The following HIPK2 variants were observed in gnomAD, a reference collection of about 807,000 sequenced individuals.
HIPK2 encodes homeodomain interacting protein kinase 2.
HIPK2 carries 27 observed loss-of-function variants against 113.7 expected under a neutral mutation model. That is an observed-to-expected ratio of 0.24 (90% CI 0.17 to 0.33). HIPK2 has a LOEUF of 0.33. Ranked by LOEUF, HIPK2 falls within the 10% of genes least tolerant of loss-of-function variation. The pLI, the probability that HIPK2 is intolerant of heterozygous loss-of-function variation, is 1.00. For missense variants in HIPK2, 1,257 were observed against 1,588.0 expected, an observed-to-expected ratio of 0.79 and a Z score of 3.54; for synonymous variants, 631 against 642.2, an observed-to-expected ratio of 0.98 and a Z score of 0.26.
chr7:139,706,480 T>C (rs766056154), intron 2 of HIPK2, among the ~76,000 whole-genome samples: 22 of 152,248 alleles, frequency 1.4e-4, no homozygotes, highest in Non-Finnish European at 2.2e-4. Flanking sequence ...CATTAATGCA[T>C]GCAGGCATTC....
intron 2 of HIPK2, among the ~76,000 whole-genome samples, chr7:139,690,318 G>A (rs1794364673): frequency 6.6e-6 from 1 of 152,108 alleles, no homozygotes; most frequent in African/African-American, 2.4e-5. Context: ...AGAAGAGTAG[G>A]GACATACAGC....
intron 2 of HIPK2, among the ~76,000 whole-genome samples, chr7:139,661,917 C>G (rs1801879294): frequency 6.6e-6 from 1 of 152,158 alleles, no homozygotes; most frequent in Non-Finnish European, 1.5e-5. Context: ...TCCCCCAAAG[C>G]CTTTCCCTCC....
chr7:139,670,426 A>T (rs112259134), intron 2 of HIPK2, among the ~76,000 whole-genome samples: 74 of 42,716 alleles, frequency 1.7e-3, no homozygotes, highest in African/African-American at 0.011. Context: ...TCTACAAAAA[A>T]TCAGTTAAAA....
intron 2 of HIPK2, among the ~76,000 whole-genome samples, chr7:139,690,723 C>T (rs1439636690): frequency 6.6e-6 from 1 of 152,126 alleles, no homozygotes; most frequent in Admixed American, 6.5e-5. Context: ...CCTGCCCCCG[C>T]CTTGCTTCCT....
chr7:139,602,625 G>GA (rs113890647), intron 10 of HIPK2, among the ~76,000 whole-genome samples: 2,114 of 145,900 alleles, frequency 0.014, 41 homozygotes, highest in African/African-American at 0.048. Flanking sequence ...AGGGGCGAGG[G>GA]AAAAAAAAAA....
rs78253372 is a variant in HIPK2, at chr7:139,659,077, C to T, written c.1104-27352G>A. Among the ~76,000 whole-genome samples, 580 of 152,300 alleles carry T rather than the reference C, an allele frequency of 3.8e-3. 2 individuals are homozygous for T. The highest frequency in any genetic ancestry group is 0.013 in the African/African-American group (547 of 41,548). On this transcript the variant is annotated intron_variant, in intron 2 of 14. Coordinates refer to ENST00000406875, the MANE Select transcript of HIPK2 (RefSeq NM_022740.5). ...TGAGGCCGACGGCATGTGGTATTGG[C>T]ATTGGCTGACCAAAAACAATAGGGC...
intron 2 of HIPK2, among the ~76,000 whole-genome samples, chr7:139,679,521 TAAAC>T (rs1485521148): frequency 4.6e-5 from 7 of 152,210 alleles, no homozygotes; most frequent in African/African-American, 1.4e-4. Context: ...ATCTTTAAAT[TAAAC>T]AACCTATCGA....
intron 14 of HIPK2, among the ~76,000 whole-genome samples, chr7:139,574,537 A>C (rs1798422983): frequency 6.6e-6 from 1 of 152,058 alleles, no homozygotes; most frequent in Non-Finnish European, 1.5e-5. Context: ...GAACACAAAC[A>C]CCCCATTTAT....
At chr7:139,632,449 C>T (rs964782737) in intron 2 of HIPK2, among the ~76,000 whole-genome samples, 1 of 152,184 alleles carries the variant, frequency 6.6e-6, no homozygotes, top group South Asian at 2.1e-4. Flanking sequence ...GGAAACATTG[C>T]TATTTTTTAT....
rs543931032 is a variant in HIPK2 at position 139,683,453 on chromosome 7, G to A, written c.1103+32479C>T. ...TGAGCCTCAGCTCCTCCCTACGGGG[G>A]CCTCCACAGGACTGCTCACAACACG... On this transcript the variant is annotated intron_variant, in intron 2 of 14. Coordinates refer to ENST00000406875, the MANE Select transcript of HIPK2 (RefSeq NM_022740.5). The surrounding 1 kb of genome is among the most constrained non-coding windows in gnomAD (Gnocchi z 4.2). Among the ~76,000 whole-genome samples, 1 of 152,306 alleles carries A rather than the reference G, an allele frequency of 6.6e-6. No homozygotes were observed. The highest frequency in any genetic ancestry group is 2.1e-4 in the South Asian group (1 of 4,830).
chr7:139,596,957 C>G lies in HIPK2; in HGVS notation c.2477G>C (p.Ser826Thr). Residue 826 changes from serine (S) to threonine (T), a missense_variant, in exon 12 of 15, where the codon AGC becomes ACC. Around this residue, in one of 5 missense-constraint regions of HIPK2, gnomAD observed 862 missense variants for 1,004.3 expected, o/e 0.86. Coordinates refer to ENST00000406875, the MANE Select transcript of HIPK2 (RefSeq NM_022740.5). Reference protein sequence around the residue: ...TCEVSSSQAISSPQRSKRVKE... With the variant: ...TCEVSSSQAITSPQRSKRVKE... ...GACACGCTTGGATCGCTGTGGGGAG[C>G]TGATGGCCTGAGAGGAGGACACCTC... is the stretch of plus-strand genomic sequence containing the variant. The G allele has an allele frequency of 6.2e-7, 1 of 1,606,690 alleles. No homozygotes were observed. The highest frequency in any genetic ancestry group is 8.5e-7 in the Non-Finnish European group (1 of 1,174,162).
intron 1 of HIPK2, among the ~76,000 whole-genome samples, chr7:139,749,920 C>T (rs1017047132): frequency 1.3e-5 from 2 of 152,196 alleles, no homozygotes; most frequent in East Asian, 1.9e-4. Flanking sequence ...CAGTCATTCC[C>T]TCATTTGATA....
At chr7:139,669,205 C>T (rs1256897254) in intron 2 of HIPK2, among the ~76,000 whole-genome samples, 2 of 152,160 alleles carry the variant, frequency 1.3e-5, no homozygotes, top group Non-Finnish European at 2.9e-5. Context: ...AGCCCGAGAC[C>T]ACTATCAATC....
intron 12 of HIPK2, 98 bp from the exon 13 acceptor site, chr7:139,584,162 G>C: frequency 6.7e-7 from 1 of 1,482,760 alleles, no homozygotes; most frequent in Non-Finnish European, 9.0e-7. Context: ...GGAGGCAGAG[G>C]GGAGAGGGCA....
rs965735839 is a variant in HIPK2, at chr7:139,730,504, G to T, written c.20-13489C>A. Reference sequence around the variant, plus strand: ...GCCTCCCGAGTAGTGGGGATTACAGGCATGAGCCAACATGCCCGGCTAATT... The same window carrying T: ...GCCTCCCGAGTAGTGGGGATTACAGTCATGAGCCAACATGCCCGGCTAATT... On this transcript the variant is annotated intron_variant, in intron 1 of 14. Coordinates refer to ENST00000406875, the MANE Select transcript of HIPK2 (RefSeq NM_022740.5). 3.6e-4 allele frequency among the ~76,000 whole-genome samples: 55 copies of T among 152,058 alleles called. 2 individuals carry two copies. Among genetic ancestry groups the T allele is most frequent in the Admixed American group, 1.0e-3 (16 of 15,266 alleles).
chr7:139,639,358 C>T (rs1800925578), intron 2 of HIPK2, among the ~76,000 whole-genome samples: 1 of 152,294 alleles, frequency 6.6e-6, no homozygotes, highest in East Asian at 1.9e-4. Flanking sequence ...CATTCTGAGC[C>T]AGAATTTGTT....
At chr7:139,687,400 C>A (rs1250520317) in intron 2 of HIPK2, among the ~76,000 whole-genome samples, 1 of 152,130 alleles carries the variant, frequency 6.6e-6, no homozygotes, top group Non-Finnish European at 1.5e-5. Context: ...CACTGTATTG[C>A]AATATTCACT....
chr7:139,708,699 T>C (rs984241701), intron 2 of HIPK2, among the ~76,000 whole-genome samples: 1 of 152,206 alleles, frequency 6.6e-6, no homozygotes, highest in East Asian at 1.9e-4. Context: ...TTCATGTCTT[T>C]AAGTGTGTGC....
intron 5 of HIPK2, among the ~76,000 whole-genome samples, chr7:139,627,565 G>T (rs1385636350): frequency 2.6e-5 from 4 of 152,132 alleles, no homozygotes; most frequent in Non-Finnish European, 4.4e-5. Flanking sequence ...GTTTTGTGGT[G>T]ATTTCTGTAT....
Sources: gnomAD v4.1 joint callset for allele counts (sites outside exome capture counted in the v4.1 genomes callset) on GRCh38, gnomAD v4.1.1 for gene constraint, gnomAD v4.1.1 regional missense constraint, Gnocchi (gnomAD v3.1) non-coding constraint, MANE v1.5 for transcripts, NCBI Gene and HGNC (gene_info 2026-07-23, HGNC 2026-07-21) for gene names.